Variants in NEMP2 observed in about 807,000 individuals in gnomAD.
The protein encoded by NEMP2 is nuclear envelope integral membrane protein 2.
Under a neutral mutation model 54.2 loss-of-function variants are expected in NEMP2, and 53 were observed. The observed-to-expected ratio is 0.98, with a 90% CI of 0.78 to 1.23. NEMP2 has a LOEUF of 1.23. Among genes scored for constraint, NEMP2 ranks in the 50% most tolerant of loss-of-function variants. The probability of loss-of-function intolerance (pLI) is 0.00; values close to 1 mark genes in which losing one functional copy is unlikely to be tolerated. For synonymous variants in NEMP2, 197 were observed against 190.3 expected (o/e 1.04, Z -0.29); for missense variants, 455 against 511.3 (o/e 0.89, Z 1.06).
chr2:190,638,252 T>C, the NEMP2 span, among the ~76,000 whole-genome samples: 1 of 152,178 alleles, frequency 6.6e-6, no homozygotes, highest in Non-Finnish European at 1.5e-5. This position sits in a 1 kb window ranked among gnomAD's most constrained non-coding sequence, Gnocchi z 5.7. Context: ...CTGCCTCTGA[T>C]TGTCCTCACA....
intron 1 of NEMP2, 39 bp downstream of exon 1, chr2:190,534,520 G>C: frequency 7.3e-7 from 1 of 1,366,222 alleles, no homozygotes; most frequent in South Asian, 1.7e-5. Flanking sequence ...CGGGGAGCGA[G>C]CACGCACGCG....
At chr2:190,633,786 T>TAAGG in the NEMP2 span, among the ~76,000 whole-genome samples, 1 of 152,176 alleles carries the variant, frequency 6.6e-6, no homozygotes, top group Non-Finnish European at 1.5e-5. Flanking sequence ...TAAAAAATGA[T>TAAGG]AAGGCCAGGT....
At chr2:190,618,894 T>A in the NEMP2 span, among the ~76,000 whole-genome samples, 1 of 152,248 alleles carries the variant, frequency 6.6e-6, no homozygotes, top group Non-Finnish European at 1.5e-5. Context: ...TTACGTACTC[T>A]GTGATTGCAT....
chr2:190,482,868 CTTTTTTTTTTTTTTTTTTTTTT>C, the NEMP2 span, among the ~76,000 whole-genome samples: 19,915 of 48,754 alleles, frequency 0.41, 2,217 homozygotes, highest in Middle Eastern at 0.49. Flanking sequence ...AGACTATCAT[CTTTTTTTTTTTTTTTTTTTTTT>C]TTTTTTTTTT....
At chr2:190,455,934 CTTTTTTTTTTTTTT>C in the NEMP2 span, among the ~76,000 whole-genome samples, 1 of 65,370 alleles carries the variant, frequency 1.5e-5, no homozygotes, top group Non-Finnish European at 2.5e-5. Flanking sequence ...ATTTACTCTG[CTTTTTTTTTTTTTT>C]TTTTTTTTTT....
the NEMP2 span, among the ~76,000 whole-genome samples, chr2:190,544,930 C>CA: frequency 0.031 from 2,771 of 90,616 alleles, 42 homozygotes; most frequent in Middle Eastern, 0.081. Context: ...TCTACCCCCG[C>CA]AAAAAAAAAA....
At chr2:190,554,651 T>G in the NEMP2 span, among the ~76,000 whole-genome samples, 1 of 152,132 alleles carries the variant, frequency 6.6e-6, no homozygotes, top group African/African-American at 2.4e-5. This position sits in a 1 kb window ranked among gnomAD's most constrained non-coding sequence, Gnocchi z 5.7. Flanking sequence ...AAGGCAACAG[T>G]CCCAGTCAGG....
At chr2:190,472,655 A>C in the NEMP2 span, among the ~76,000 whole-genome samples, 1 of 152,246 alleles carries the variant, frequency 6.6e-6, no homozygotes, top group South Asian at 2.1e-4. Flanking sequence ...CAAGTTGGAA[A>C]ACACTCTGCA....
At chr2:190,599,237 T>A in the NEMP2 span, among the ~76,000 whole-genome samples, 1 of 152,168 alleles carries the variant, frequency 6.6e-6, no homozygotes, top group African/African-American at 2.4e-5. Context: ...GCAGGCTAGA[T>A]TTGTACAAAA....
the NEMP2 span, among the ~76,000 whole-genome samples, chr2:190,453,051 C>T: frequency 6.6e-6 from 1 of 151,980 alleles, no homozygotes; most frequent in Non-Finnish European, 1.5e-5. Context: ...TCATGGAGCT[C>T]ATGTTCTGTT....
At chr2:190,598,800 C>G in the NEMP2 span, among the ~76,000 whole-genome samples, 1 of 152,196 alleles carries the variant, frequency 6.6e-6, no homozygotes, top group Non-Finnish European at 1.5e-5. Context: ...GCATATAATA[C>G]TAACCTTGCC....
chr2:190,459,320 C>T, the NEMP2 span, among the ~76,000 whole-genome samples: 22 of 152,046 alleles, frequency 1.4e-4, no homozygotes, highest in South Asian at 6.2e-4. This position sits in a 1 kb window ranked among gnomAD's most constrained non-coding sequence, Gnocchi z 5.3. Context: ...TGTTCAGCTT[C>T]GTCAAATTTA....
the NEMP2 span, among the ~76,000 whole-genome samples, chr2:190,595,414 T>C: frequency 0.27 from 41,722 of 151,868 alleles, 6,292 homozygotes; most frequent in Middle Eastern, 0.39. This position sits in a 1 kb window ranked among gnomAD's most constrained non-coding sequence, Gnocchi z 4.0. Flanking sequence ...GGGATCTAAT[T>C]AAACTAAAGA....
the NEMP2 span, among the ~76,000 whole-genome samples, chr2:190,571,599 T>C: frequency 4.6e-5 from 7 of 152,190 alleles, no homozygotes; most frequent in African/African-American, 1.7e-4. Context: ...CATAAGTAGC[T>C]GTGACAATCA....
chr2:190,605,066 A>T, the NEMP2 span, among the ~76,000 whole-genome samples: 1 of 152,190 alleles, frequency 6.6e-6, no homozygotes. Context: ...ACATACATAT[A>T]CAGTGCACGT....
chr2:190,608,184 A>C, the NEMP2 span: 4 of 152,296 alleles, frequency 2.6e-5, no homozygotes, highest in East Asian at 7.7e-4. This position sits in a 1 kb window ranked among gnomAD's most constrained non-coding sequence, Gnocchi z 4.9. Flanking sequence ...CTTGGCTATC[A>C]GATTGTTGCA....
In NEMP2 at chr2:190,528,524, C is replaced by T. The variant is rs746830937; in HGVS notation, c.98-3146G>A. 5.3e-5 allele frequency among the ~76,000 whole-genome samples: 8 copies of T among 152,122 alleles called. No homozygotes were observed. Among genetic ancestry groups the T allele is most frequent in the Non-Finnish European group, 7.4e-5 (5 of 68,012 alleles). On this transcript the variant is annotated intron_variant, in intron 1 of 8. Coordinates refer to ENST00000409150, the MANE Select transcript of NEMP2 (RefSeq NM_001142645.2). This position sits in a 1 kb window ranked among gnomAD's most constrained non-coding sequence, Gnocchi z 4.3. ...TGAAGAGCATGAAGTCTCAGGTACA[C>T]GGACCCAGCAGCCCAAACTATGATA... is the stretch of plus-strand genomic sequence containing the variant.
chr2:190,468,554 G>A, the NEMP2 span, among the ~76,000 whole-genome samples: 1 of 151,202 alleles, frequency 6.6e-6, no homozygotes, highest in Admixed American at 6.6e-5. Context: ...CCAGGCTCAA[G>A]CAGTCCTCCT....
At chr2:190,627,546 A>G in the NEMP2 span, among the ~76,000 whole-genome samples, 1 of 151,888 alleles carries the variant, frequency 6.6e-6, no homozygotes, top group Non-Finnish European at 1.5e-5. This position sits in a 1 kb window ranked among gnomAD's most constrained non-coding sequence, Gnocchi z 4.4. Context: ...ACATATTCAT[A>G]TTACATCAAC....
Sources: allele counts gnomAD v4.1 joint callset (sites outside exome capture counted in the v4.1 genomes callset), GRCh38; gene constraint gnomAD v4.1.1; non-coding constraint Gnocchi (gnomAD v3.1); transcripts MANE v1.5; gene names NCBI Gene and HGNC (gene_info 2026-07-23, HGNC 2026-07-21).